GMDS: variants seen among roughly 807,000 people sequenced by gnomAD.
GMDS encodes the protein GDP-mannose 4,6-dehydratase, also known as GDP-mannose 4,6 dehydratase.
A neutral mutation model predicts 49.9 loss-of-function variants in GMDS; 20 were observed. The ratio of observed to expected loss-of-function variants is 0.40; its 90% CI spans 0.28 to 0.58. The LOEUF (loss-of-function observed/expected upper bound fraction) is 0.58. GMDS is among the 20% of genes least tolerant of loss of function. GMDS has a pLI of 0.42. For missense variants in GMDS, 362 were observed against 481.4 expected, an observed-to-expected ratio of 0.75 and a Z score of 2.32; for synonymous variants, 177 against 178.6, an observed-to-expected ratio of 0.99 and a Z score of 0.07.
chr6:1,909,214 C>A (rs1443198046), intron 7 of GMDS, among the ~76,000 whole-genome samples: 1 of 152,008 alleles, frequency 6.6e-6, no homozygotes, highest in African/African-American at 2.4e-5. Flanking sequence ...TGAGATAAAC[C>A]CCAGAGAAAG....
intron 7 of GMDS, among the ~76,000 whole-genome samples, chr6:1,813,223 T>TAAAA (rs56705761): frequency 2.3e-5 from 2 of 85,294 alleles, no homozygotes; most frequent in African/African-American, 1.0e-4. Context: ...CTCTGTCTCT[T>TAAAA]AAAAAAAAAA....
At chr6:2,117,318 T>C (rs1774898320) in intron 3 of GMDS, 151 bp downstream of exon 3, 1 of 597,800 alleles carries the variant, frequency 1.7e-6, no homozygotes, top group South Asian at 1.9e-5. Context: ...TTTCAAGGCA[T>C]GTAAATCGTA....
chr6:1,737,546 A>G (rs1767044522), intron 8 of GMDS, among the ~76,000 whole-genome samples: 1 of 150,792 alleles, frequency 6.6e-6, no homozygotes, highest in African/African-American at 2.5e-5. Flanking sequence ...TACACACCAC[A>G]CACACAGATA....
chr6:2,184,054 A>C (rs1778671537), intron 1 of GMDS, among the ~76,000 whole-genome samples: 1 of 152,030 alleles, frequency 6.6e-6, no homozygotes, highest in East Asian at 1.9e-4. Flanking sequence ...TATTCATGTG[A>C]CTCATTTTAT....
At chr6:1,970,905 T>C (rs1165194593) in intron 4 of GMDS, among the ~76,000 whole-genome samples, 1 of 151,100 alleles carries the variant, frequency 6.6e-6, no homozygotes, top group East Asian at 2.0e-4. Flanking sequence ...GCATGGCACG[T>C]GTTTACCTGT....
chr6:2,117,326 G>C (rs1223987060), intron 3 of GMDS, 143 bp downstream of exon 3: 2 of 618,262 alleles, frequency 3.2e-6, no homozygotes, highest in Non-Finnish European at 5.9e-6. Context: ...CATGTAAATC[G>C]TATTCAGTGC....
At chr6:2,198,340 A>C (rs977451033) in intron 1 of GMDS, among the ~76,000 whole-genome samples, 6 of 152,242 alleles carry the variant, frequency 3.9e-5, no homozygotes, top group Non-Finnish European at 8.8e-5. Flanking sequence ...CCTGCCTCAA[A>C]ATAGGAAAAA....
At chr6:2,134,949 C>T (rs1177166349) in intron 1 of GMDS, among the ~76,000 whole-genome samples, 4 of 152,136 alleles carry the variant, frequency 2.6e-5, no homozygotes. Flanking sequence ...ATTTATATCT[C>T]ACAACATCCT....
At chr6:2,026,527 G>A (rs1340285031) in intron 4 of GMDS, among the ~76,000 whole-genome samples, 1 of 152,222 alleles carries the variant, frequency 6.6e-6, no homozygotes, top group Non-Finnish European at 1.5e-5. Context: ...CAGCTGAATC[G>A]ACATTTTTAT....
intron 7 of GMDS, among the ~76,000 whole-genome samples, chr6:1,755,363 G>T (rs1561783861): frequency 6.6e-6 from 1 of 152,068 alleles, no homozygotes; most frequent in Non-Finnish European, 1.5e-5. Context: ...CACTGCTCAA[G>T]GAAACAAGAG....
Position 2,245,382 on chromosome 6 carries a change from G to C in GMDS, c.41C>G (p.Ser14Cys). 1 of 1,547,342 alleles carries C rather than the reference G, an allele frequency of 6.5e-7. No homozygotes were observed. Among genetic ancestry groups the C allele is most frequent in the South Asian group, 1.2e-5 (1 of 85,024 alleles). Residue 14 changes from serine (S) to cysteine (C), a missense_variant, in exon 1 of 11, where the codon TCC becomes TGC. By Grantham distance (112) the Ser-to-Cys change is moderately radical (BLOSUM62 -1). Transcript: ENST00000380815. ...GGGCTTGCCCATCTCGCCGTCCCCG[G>C]AGCCCCGGGCGCTGGGGCAGCGTGC... ...APARCPSARG[S>C]GDGEMGKPRN...
chr6:2,130,192 G>GC (rs57583605), intron 1 of GMDS, among the ~76,000 whole-genome samples: 16,684 of 152,096 alleles, frequency 0.11, 3,020 homozygotes, highest in African/African-American at 0.38. Flanking sequence ...CAAAAATAGA[G>GC]CCAATAATTA....
chr6:2,138,164 T>C (rs1029934931), intron 1 of GMDS, among the ~76,000 whole-genome samples: 3 of 152,230 alleles, frequency 2.0e-5, no homozygotes, highest in Admixed American at 6.5e-5. Context: ...TTACAACATT[T>C]ATTTATAAAT....
intron 9 of GMDS, among the ~76,000 whole-genome samples, chr6:1,630,008 ACTT>A (rs1762952770): frequency 6.6e-6 from 1 of 152,206 alleles, no homozygotes; most frequent in African/African-American, 2.4e-5. Context: ...ACAGGTGTTC[ACTT>A]CAGGAAAGGA....
chr6:2,015,001 C>G (rs1385585604), intron 4 of GMDS, among the ~76,000 whole-genome samples: 1 of 151,918 alleles, frequency 6.6e-6, no homozygotes, highest in Non-Finnish European at 1.5e-5. Flanking sequence ...GTCATTTCTC[C>G]AAGAAAACAT....
At chr6:2,035,736 G>C (rs1769265648) in intron 4 of GMDS, among the ~76,000 whole-genome samples, 1 of 151,906 alleles carries the variant, frequency 6.6e-6, no homozygotes, top group African/African-American at 2.4e-5. Context: ...ACCCAGGCTG[G>C]AGTGCAATGG....
At chr6:2,173,847 A>G (rs1273359147) in intron 1 of GMDS, among the ~76,000 whole-genome samples, 1 of 152,250 alleles carries the variant, frequency 6.6e-6, no homozygotes. Context: ...GGTTTTAGGA[A>G]TATCTACCAT....
rs566445154 is a variant in GMDS at position 1,845,917 on chromosome 6, C to A, written c.771+84186G>T. Among the ~76,000 whole-genome samples the A allele has an allele frequency of 3.3e-5, 5 of 152,018 alleles. No individual in the cohort carries two copies. In the East Asian group the frequency reaches 7.7e-4, roughly 24 times the overall value. On this transcript the variant is annotated intron_variant, in intron 7 of 10. Transcript: ENST00000380815. Reference sequence around the variant, plus strand: ...GGTCTGTGGCTCAGGGGGTTGGGGACCCCTGCTGTTAAGTCCTCATAGCAA... The same window carrying A: ...GGTCTGTGGCTCAGGGGGTTGGGGAACCCTGCTGTTAAGTCCTCATAGCAA...
chr6:1,967,090 C>T (rs773148728), intron 4 of GMDS, among the ~76,000 whole-genome samples: 18 of 152,200 alleles, frequency 1.2e-4, no homozygotes, highest in African/African-American at 4.3e-4. Context: ...AGCCTTCACG[C>T]TGCTGACCCC....
Sources: gnomAD v4.1 joint callset for allele counts (sites outside exome capture counted in the v4.1 genomes callset) on GRCh38, gnomAD v4.1.1 for gene constraint, MANE v1.5 for transcripts, NCBI Gene and HGNC (gene_info 2026-07-23, HGNC 2026-07-21) for gene names.